SPATA31H1: variants seen among roughly 807,000 people sequenced by gnomAD.
SPATA31H1 encodes the protein SPATA31 subfamily H member 1.
At chr2:27,566,101 G>T in the SPATA31H1 span, 1 of 717,514 alleles carries the variant, frequency 1.4e-6, no homozygotes, top group South Asian at 1.5e-5. Flanking sequence ...CTGACATGGT[G>T]AGTAAAGCCT....
At chr2:27,559,544 A>T in the SPATA31H1 span, among the ~76,000 whole-genome samples, 9 of 152,176 alleles carry the variant, frequency 5.9e-5, no homozygotes, top group South Asian at 1.9e-3. Context: ...TGTTGTTTTC[A>T]TTTGGAGGGT....
At chr2:27,545,076 G>T in the SPATA31H1 span, among the ~76,000 whole-genome samples, 1 of 150,668 alleles carries the variant, frequency 6.6e-6, no homozygotes, top group African/African-American at 2.5e-5. Context: ...AGGCTGGAGT[G>T]CAATAGCTCA....
At chr2:27,572,573 G>T in the SPATA31H1 span, 1 of 398,220 alleles carries the variant, frequency 2.5e-6, no homozygotes, top group South Asian at 1.3e-4. Flanking sequence ...GACCACAGCT[G>T]CAAAAAGGGA....
At chr2:27,577,478 T>C in the SPATA31H1 span, 1 of 1,614,100 alleles carries the variant, frequency 6.2e-7, no homozygotes, top group Non-Finnish European at 8.5e-7. This position sits in a 1 kb window ranked among gnomAD's most constrained non-coding sequence, Gnocchi z 4.5. Flanking sequence ...GTCAAGCCAC[T>C]GGATTTGCAG....
the SPATA31H1 span, chr2:27,579,882 C>A: frequency 4.8e-5 from 78 of 1,614,192 alleles, no homozygotes; most frequent in Admixed American, 1.2e-3. Flanking sequence ...TCAAATACCC[C>A]CCGATGTGCC....
chr2:27,567,075 C>T, the SPATA31H1 span: 3 of 717,344 alleles, frequency 4.2e-6, no homozygotes, highest in South Asian at 1.5e-5. Flanking sequence ...TTTGGCAGAT[C>T]TTTCACCCTT....
At chr2:27,579,024 G>T in the SPATA31H1 span, 5 of 1,614,064 alleles carry the variant, frequency 3.1e-6, no homozygotes, top group Admixed American at 5.0e-5. Context: ...GATTCTAGGA[G>T]TGGATGTAAT....
the SPATA31H1 span, among the ~76,000 whole-genome samples, chr2:27,559,115 A>C: frequency 6.6e-6 from 1 of 152,014 alleles, no homozygotes; most frequent in Non-Finnish European, 1.5e-5. Flanking sequence ...AATACCAGAG[A>C]TTTTATATAT....
chr2:27,566,466 G>A, the SPATA31H1 span: 2 of 675,894 alleles, frequency 3.0e-6, no homozygotes, highest in Admixed American at 2.3e-5. Context: ...AAGGAGGGAG[G>A]GAGAGAGGGA....
chr2:27,556,723 T>C, the SPATA31H1 span, among the ~76,000 whole-genome samples: 2 of 147,012 alleles, frequency 1.4e-5, no homozygotes, highest in Non-Finnish European at 3.0e-5. Flanking sequence ...TTATTTTTTT[T>C]TTATTGATCA....
At chr2:27,582,664 G>A in the SPATA31H1 span, 1 of 831,608 alleles carries the variant, frequency 1.2e-6, no homozygotes, top group East Asian at 2.6e-5. Flanking sequence ...CTACCGGGGG[G>A]GAGGCGGGTG....
At chr2:27,544,555 G>A in the SPATA31H1 span, among the ~76,000 whole-genome samples, 1 of 134,034 alleles carries the variant, frequency 7.5e-6, no homozygotes, top group Non-Finnish European at 1.6e-5. Context: ...TTTTTTCTGA[G>A]ACGGAGTCTT....
the SPATA31H1 span, chr2:27,582,373 G>A: frequency 1.2e-5 from 19 of 1,614,202 alleles, no homozygotes; most frequent in South Asian, 2.2e-5. Flanking sequence ...AGGAGCCGAC[G>A]CAGTCCCCTT....
chr2:27,573,996 T>G, the SPATA31H1 span: 1 of 398,380 alleles, frequency 2.5e-6, no homozygotes, highest in Non-Finnish European at 4.4e-6. Flanking sequence ...TAAGACAAAG[T>G]CCCAAGACAT....
At chr2:27,580,810 A>G in the SPATA31H1 span, 1 of 1,614,220 alleles carries the variant, frequency 6.2e-7, no homozygotes, top group Non-Finnish European at 8.5e-7. Context: ...AGGTCAGCTG[A>G]CAAGCTAACG....
At chr2:27,580,918 C>A in the SPATA31H1 span, 3 of 1,614,072 alleles carry the variant, frequency 1.9e-6, no homozygotes, top group African/African-American at 4.0e-5. Context: ...TCTTTCCAAC[C>A]CAGACCTCTT....
At chr2:27,574,877 G>A in the SPATA31H1 span, 7 of 398,366 alleles carry the variant, frequency 1.8e-5, no homozygotes, top group African/African-American at 8.2e-5. Context: ...GATCACACTT[G>A]CAAGGTATGA....
the SPATA31H1 span, chr2:27,566,511 C>G: frequency 3.2e-6 from 2 of 634,832 alleles, no homozygotes; most frequent in South Asian, 1.9e-5. Context: ...GGGGGTAGTT[C>G]TGGGTTCAAA....
chr2:27,582,057 A>T, the SPATA31H1 span: 1 of 1,613,998 alleles, frequency 6.2e-7, no homozygotes, highest in Non-Finnish European at 8.5e-7. Context: ...CTCTGAGAGG[A>T]GATCTCACAG....
Sources: allele counts gnomAD v4.1 joint callset (sites outside exome capture counted in the v4.1 genomes callset), GRCh38; gene constraint gnomAD v4.1.1; non-coding constraint Gnocchi (gnomAD v3.1); transcripts MANE v1.5; gene names NCBI Gene and HGNC (gene_info 2026-07-23, HGNC 2026-07-21).